GNB4: variants seen among roughly 807,000 people sequenced by gnomAD.
GNB4 encodes the protein G protein subunit beta 4.
In GNB4, 28 loss-of-function variants were observed where a neutral mutation model predicts 45.2. The ratio of observed to expected loss-of-function variants is 0.62; its 90% confidence interval spans 0.46 to 0.85. The LOEUF is 0.85. Ranked by LOEUF, GNB4 falls within the 40% of genes least tolerant of loss-of-function variation. The pLI is 0.00. For missense variants in GNB4, 321 were observed against 425.4 expected (o/e 0.75, Z 2.16); for synonymous variants, 132 against 143.7 (o/e 0.92, Z 0.58).
At chr3:179,447,595 A>T (rs1194122168) in intron 1 of GNB4, among the ~76,000 whole-genome samples, 1 of 152,142 alleles carries the variant, frequency 6.6e-6, no homozygotes, top group African/African-American at 2.4e-5. Flanking sequence ...TTTAAAGTTC[A>T]TGCTGGCTGG....
In GNB4 at chr3:179,448,161, T is replaced by C. The variant is rs115270803; in HGVS notation, c.-43+3185A>G. On this transcript the variant is annotated intron_variant, in intron 1 of 9. Transcript: ENST00000232564. ...GCCTACATGGAGTCCCTTCAAAGAT[T>C]TTCTTTTTGAAGCAAAGCTGCATTG... is the stretch of plus-strand genomic sequence containing the variant. Among the ~76,000 whole-genome samples the C allele has an allele frequency of 3.4e-3, 520 of 152,312 alleles. 1 individual carries two copies. The highest frequency in any genetic ancestry group is 0.012 in the African/African-American group (488 of 41,564).
At chr3:179,479,526 G>A in the GNB4 span, among the ~76,000 whole-genome samples, 1 of 152,124 alleles carries the variant, frequency 6.6e-6, no homozygotes, top group Non-Finnish European at 1.5e-5. Context: ...CAGATCAAGA[G>A]CCCAAACAAG....
intron 1 of GNB4, among the ~76,000 whole-genome samples, chr3:179,443,325 G>C (rs1715640502): frequency 1.3e-5 from 2 of 152,180 alleles, no homozygotes; most frequent in Non-Finnish European, 2.9e-5. Flanking sequence ...GATCACCTGA[G>C]GTCAGGAGTT....
At chr3:179,426,110 T>C in intron 2 of GNB4, 34 bp downstream of exon 2, 1 of 1,562,844 alleles carries the variant, frequency 6.4e-7, no homozygotes, top group Non-Finnish European at 8.7e-7. Flanking sequence ...TGGTACTAAA[T>C]AAGTGCTAAC....
chr3:179,443,417 T>C (rs1384293999), intron 1 of GNB4, among the ~76,000 whole-genome samples: 2 of 152,092 alleles, frequency 1.3e-5, no homozygotes, highest in Non-Finnish European at 2.9e-5. Context: ...TGCATGCCTG[T>C]AATGCCAGCT....
At chr3:179,494,384 A>AATCAC in the GNB4 span, among the ~76,000 whole-genome samples, 1 of 151,864 alleles carries the variant, frequency 6.6e-6, no homozygotes, top group African/African-American at 2.4e-5. Flanking sequence ...AGGGAGAAAA[A>AATCAC]ATCACTAGCT....
chr3:179,498,381 A>G, the GNB4 span, among the ~76,000 whole-genome samples: 1 of 152,198 alleles, frequency 6.6e-6, no homozygotes, highest in Non-Finnish European at 1.5e-5. Flanking sequence ...GTACTCTGGA[A>G]CACATACCAT....
chr3:179,428,092 T>C (rs1178499611), intron 1 of GNB4, among the ~76,000 whole-genome samples: 3 of 152,238 alleles, frequency 2.0e-5, no homozygotes, highest in African/African-American at 4.8e-5. Context: ...CTGTTTATTA[T>C]GTTCAGACAA....
At chr3:179,447,897 GA>G (rs1349125414) in intron 1 of GNB4, among the ~76,000 whole-genome samples, 1 of 152,186 alleles carries the variant, frequency 6.6e-6, no homozygotes, top group African/African-American at 2.4e-5. Context: ...AGAAGAATGA[GA>G]AACTGTAGCC....
chr3:179,440,024 A>AT (rs1443991510), intron 1 of GNB4, among the ~76,000 whole-genome samples: 2 of 152,196 alleles, frequency 1.3e-5, no homozygotes, highest in Non-Finnish European at 2.9e-5. Flanking sequence ...AAGATTTTGA[A>AT]TTTTTTTCTA....
chr3:179,476,493 G>A, the GNB4 span, among the ~76,000 whole-genome samples: 3 of 152,152 alleles, frequency 2.0e-5, no homozygotes, highest in Non-Finnish European at 2.9e-5. Context: ...GGGGCCTCAG[G>A]AGTGGCTCCA....
At chr3:179,403,304 A>G (rs889420013) in intron 9 of GNB4, among the ~76,000 whole-genome samples, 10 of 139,492 alleles carry the variant, frequency 7.2e-5, no homozygotes, top group South Asian at 4.2e-4. Context: ...AAAAATGAAG[A>G]AAAAAAAAAC....
chr3:179,436,687 G>A (rs1715460135), intron 1 of GNB4, among the ~76,000 whole-genome samples: 1 of 152,050 alleles, frequency 6.6e-6, no homozygotes, highest in African/African-American at 2.4e-5. Context: ...TTCTTTCTCA[G>A]GAAGTTAGTC....
intron 8 of GNB4, among the ~76,000 whole-genome samples, chr3:179,412,254 C>T (rs1436946336): frequency 1.3e-5 from 2 of 152,066 alleles, no homozygotes; most frequent in South Asian, 2.1e-4. Flanking sequence ...GATCGCTGAG[C>T]CCAGGAGTTC....
At chr3:179,459,989 T>C in the GNB4 span, among the ~76,000 whole-genome samples, 2 of 152,226 alleles carry the variant, frequency 1.3e-5, no homozygotes, top group African/African-American at 4.8e-5. Context: ...GCTAATCTTT[T>C]CCCCTCTTTT....
chr3:179,403,582 C>T lies in GNB4; in HGVS notation c.916+1608G>A, dbSNP rs368436507. Among the ~76,000 whole-genome samples, 5 of 152,226 alleles carry T rather than the reference C, an allele frequency of 3.3e-5. 2 individuals are homozygous for T. Among genetic ancestry groups the T allele is most frequent in the Admixed American group, 6.5e-5 (1 of 15,288 alleles). ...CTGAGGTGGGCAGATCACCTGAGGT[C>T]AGGAGTTCGAGACCAGCCTGACCAA... is the stretch of plus-strand genomic sequence containing the variant. On this transcript the variant is annotated intron_variant, in intron 9 of 9. Coordinates refer to ENST00000232564, the MANE Select transcript of GNB4 (RefSeq NM_021629.4).
chr3:179,405,275 G>T lies in GNB4; in HGVS notation c.831C>A (p.Ala277=). 6.2e-7 allele frequency: 1 copy of T among 1,614,112 alleles called. No homozygotes were observed. Among genetic ancestry groups the T allele is most frequent in the Non-Finnish European group, 8.5e-7 (1 of 1,179,992 alleles). The change falls in exon 9 of 10, where the codon GCC becomes GCA. Residue 277 remains alanine, a synonymous_variant. Coordinates refer to ENST00000232564, the MANE Select transcript of GNB4 (RefSeq NM_021629.4). The stretch of plus-strand genomic sequence containing the variant: ...ACAAGAGACGCCCACTTTTTGAGAA[G>T]GCTACAGAAGTGATTCCACAGATGA... ...DNIICGITSV[A]FSKSGRLLLA...
chr3:179,459,708 A>G, the GNB4 span, among the ~76,000 whole-genome samples: 1 of 151,782 alleles, frequency 6.6e-6, no homozygotes, highest in African/African-American at 2.4e-5. Flanking sequence ...AAAAAAAGCA[A>G]GAAAAAAAAA....
At position 179,401,597 on chromosome 3, in the gene GNB4, C is replaced by T. The variant is rs535856578; in HGVS notation, c.917-278G>A. Among the ~76,000 whole-genome samples the T allele has an allele frequency of 2.0e-5, 3 of 152,280 alleles. No homozygotes were observed. The South Asian group carries it at 6.2e-4, about 32-fold the overall frequency. On this transcript the variant is annotated intron_variant, in intron 9 of 9. Transcript: ENST00000232564. Reference sequence around the variant, plus strand: ...TTTGAAAAATCATCTTATAATTCAACTTATATCTAGGAAAACATATGCAGA... The same window carrying T: ...TTTGAAAAATCATCTTATAATTCAATTTATATCTAGGAAAACATATGCAGA...
Sources: allele counts gnomAD v4.1 joint callset (sites outside exome capture counted in the v4.1 genomes callset), GRCh38; gene constraint gnomAD v4.1.1; transcripts MANE v1.5; gene names NCBI Gene and HGNC (gene_info 2026-07-23, HGNC 2026-07-21).